MAK: variants seen among roughly 807,000 people sequenced by gnomAD.
The protein encoded by MAK is male germ cell associated kinase, also known as serine/threonine-protein kinase MAK.
MAK carries 65 observed loss-of-function variants against 82.6 expected under a neutral mutation model. The ratio of observed to expected loss-of-function variants is 0.79; its 90% confidence interval spans 0.64 to 0.97. The LOEUF (loss-of-function observed/expected upper bound fraction) is 0.97. Among genes scored for constraint, MAK ranks in the 50% least tolerant of loss-of-function variants. The probability of loss-of-function intolerance (pLI) is 0.00; values close to 1 mark genes in which losing one functional copy is unlikely to be tolerated. For missense variants in MAK, 703 were observed against 780.2 expected, an observed-to-expected ratio of 0.90 and a Z score of 1.18; for synonymous variants, 250 against 274.2, an observed-to-expected ratio of 0.91 and a Z score of 0.87.
intron 11 of MAK, chr6:10,779,509 T>C (rs975431886): frequency 2.0e-6 from 2 of 984,050 alleles, no homozygotes; most frequent in Non-Finnish European, 2.4e-6. Context: ...TGCAATTATA[T>C]GGTACATTTC....
At chr6:10,823,461 C>T (rs1429506007) in intron 2 of MAK, among the ~76,000 whole-genome samples, 4 of 152,174 alleles carry the variant, frequency 2.6e-5, no homozygotes, top group Admixed American at 6.6e-5. Flanking sequence ...ATGTTTACTG[C>T]CCACTCTGAA....
At chr6:10,768,057 A>C (rs1191288902) in intron 14 of MAK, among the ~76,000 whole-genome samples, 1 of 152,144 alleles carries the variant, frequency 6.6e-6, no homozygotes, top group Non-Finnish European at 1.5e-5. Flanking sequence ...CCATCTGTAG[A>C]AAAATCTGAT....
intron 1 of MAK, among the ~76,000 whole-genome samples, chr6:10,837,169 C>A (rs1460374845): frequency 1.3e-5 from 2 of 152,146 alleles, no homozygotes; most frequent in Non-Finnish European, 2.9e-5. Flanking sequence ...GCTGGCTTAA[C>A]GCTTCTAATA....
chr6:10,780,630 T>A (rs555070610), intron 11 of MAK, among the ~76,000 whole-genome samples: 80 of 152,096 alleles, frequency 5.3e-4, no homozygotes, highest in African/African-American at 1.9e-3. Flanking sequence ...AATTTTTGTA[T>A]TTTTAGTAGA....
intron 2 of MAK, among the ~76,000 whole-genome samples, chr6:10,821,704 G>A (rs1412517804): frequency 6.6e-6 from 1 of 152,208 alleles, no homozygotes; most frequent in Admixed American, 6.5e-5. Context: ...GCATGCTGGT[G>A]TGCGCCTGTA....
chr6:10,782,064 G>T (rs929243739), intron 11 of MAK, among the ~76,000 whole-genome samples: 1 of 151,916 alleles, frequency 6.6e-6, no homozygotes, highest in African/African-American at 2.4e-5. Context: ...AAAATTAGCC[G>T]GGTGTGGTGG....
chr6:10,831,735 G>A (rs1451431307), intron 1 of MAK, among the ~76,000 whole-genome samples: 1 of 152,102 alleles, frequency 6.6e-6, no homozygotes, highest in Non-Finnish European at 1.5e-5. Flanking sequence ...GACAGAGTAA[G>A]ACTCTGTCTC....
At chr6:10,791,552 C>T in intron 10 of MAK, 123 bp downstream of exon 10, 1 of 857,168 alleles carries the variant, frequency 1.2e-6, no homozygotes, top group Non-Finnish European at 1.9e-6. Flanking sequence ...CAGGCCTGAG[C>T]CACTACACCT....
chr6:10,782,220 A>T (rs1459767458), intron 11 of MAK, among the ~76,000 whole-genome samples: 2 of 144,872 alleles, frequency 1.4e-5, no homozygotes, highest in African/African-American at 5.6e-5. Flanking sequence ...ACACACACAC[A>T]CACACACACA....
At chr6:10,803,641 C>T (rs1316061048) in intron 7 of MAK, 79 bp downstream of exon 7, 1 of 1,276,268 alleles carries the variant, frequency 7.8e-7, no homozygotes, top group Admixed American at 1.8e-5. Flanking sequence ...TGTAAATAAT[C>T]AAAATTATAA....
intron 2 of MAK, among the ~76,000 whole-genome samples, chr6:10,827,048 T>G (rs892851352): frequency 2.0e-5 from 3 of 151,922 alleles, no homozygotes; most frequent in Non-Finnish European, 2.9e-5. Flanking sequence ...GAGGCAGAGG[T>G]TGTGGTGAGC....
At chr6:10,815,819 A>G (rs1217519559) in intron 4 of MAK, among the ~76,000 whole-genome samples, 1 of 150,552 alleles carries the variant, frequency 6.6e-6, no homozygotes, top group African/African-American at 2.5e-5. Context: ...TGTGCAATTT[A>G]TTTTACATTT....
intron 1 of MAK, among the ~76,000 whole-genome samples, chr6:10,834,956 G>A (rs1779058955): frequency 1.3e-5 from 2 of 152,134 alleles, no homozygotes; most frequent in African/African-American, 2.4e-5. Flanking sequence ...TGTAAACCGT[G>A]GCCCTGCTCA....
chr6:10,809,591 GA>G (rs1776762264), intron 5 of MAK, among the ~76,000 whole-genome samples: 1 of 152,086 alleles, frequency 6.6e-6, no homozygotes, highest in South Asian at 2.1e-4. Context: ...GACTTCTTGA[GA>G]AAAATCACTT....
chr6:10,834,779 A>AATTATT (rs151044006), intron 1 of MAK, among the ~76,000 whole-genome samples: 17 of 151,696 alleles, frequency 1.1e-4, no homozygotes, highest in East Asian at 7.7e-4. Context: ...CTCTCATGAA[A>AATTATT]ATTATTATTA....
intron 2 of MAK, among the ~76,000 whole-genome samples, chr6:10,821,084 G>T (rs1312016297): frequency 6.6e-6 from 1 of 152,030 alleles, no homozygotes; most frequent in Admixed American, 6.6e-5. Context: ...GGGTAGCTGG[G>T]ACTATAGGTA....
chr6:10,798,114 CTT>C (rs554907132), intron 8 of MAK: 229 of 138,402 alleles, frequency 1.7e-3, no homozygotes, highest in Middle Eastern at 3.8e-3. Flanking sequence ...CAACTCTTCC[CTT>C]TTTTTTTTTT....
rs1778752813 is a variant in MAK at position 10,830,697 on chromosome 6, T to C, written c.-49A>G. 1 of 1,405,242 alleles carries C rather than the reference T, an allele frequency of 7.1e-7. No homozygotes were observed. Among genetic ancestry groups the C allele is most frequent in the Non-Finnish European group, 1.0e-6 (1 of 989,496 alleles). The allele number at this position is 1,405,242 out of a possible 1,614,324, so 87.0% of individuals were successfully genotyped here. A position where few individuals can be genotyped will look rare whatever the true frequency, so the allele number is the denominator to read the frequency against. The stretch of plus-strand genomic sequence containing the variant: ...GTTGTTGATTGAAATGACTTCCTTG[T>C]TGAATATAAATTTGAACGCTTCTTA... On this transcript the variant is annotated 5_prime_UTR_variant, in exon 2 of 15. Coordinates refer to ENST00000354489, the MANE Select transcript of MAK (RefSeq NM_001242957.3).
intron 2 of MAK, among the ~76,000 whole-genome samples, chr6:10,820,970 A>G (rs1777898364): frequency 6.6e-6 from 1 of 152,090 alleles, no homozygotes; most frequent in Non-Finnish European, 1.5e-5. Flanking sequence ...TTTTTTTGAG[A>G]CATGGTCTCA....
Sources: gnomAD v4.1 joint callset for allele counts (sites outside exome capture counted in the v4.1 genomes callset) on GRCh38, gnomAD v4.1.1 for gene constraint, MANE v1.5 for transcripts, NCBI Gene and HGNC (gene_info 2026-07-23, HGNC 2026-07-21) for gene names.